Variants in CACNA1F observed in about 807,000 individuals in gnomAD.
CACNA1F encodes the protein calcium voltage-gated channel subunit alpha1 F, also known as voltage-dependent L-type calcium channel subunit alpha-1F.
In CACNA1F, 59 loss-of-function variants were observed where a neutral mutation model predicts 143.8. That is an observed-to-expected ratio of 0.41 (90% CI 0.33 to 0.51). CACNA1F has a LOEUF of 0.51. CACNA1F is among the 20% of genes least tolerant of loss of function. The pLI, the probability that CACNA1F is intolerant of heterozygous loss-of-function variation, is 0.22. For synonymous variants in CACNA1F, 643 were observed against 649.1 expected, an observed-to-expected ratio of 0.99 and a Z score of 0.14; for missense variants, 1,411 against 1,647.5, an observed-to-expected ratio of 0.86 and a Z score of 2.48.
chrX:49,231,107 T>G, intron 3 of CACNA1F, 95 bp downstream of exon 3: 4 of 792,608 alleles, frequency 5.0e-6, no homozygotes, highest in Non-Finnish European at 7.5e-6. Context: ...GGCAGGGCCA[T>G]CCGGGTCAGA....
chrX:49,221,777 C>G (rs918307312), intron 17 of CACNA1F, among the ~76,000 whole-genome samples: 6 of 106,697 alleles, frequency 5.6e-5, no homozygotes, highest in African/African-American at 2.0e-4. Context: ...GTTAGGAGTT[C>G]AAGACCAGCC....
rs782623957 is a variant in CACNA1F at position 49,208,715 on chromosome X, T to C, written c.4954-31A>G. The C allele has an allele frequency of 2.6e-5, 31 of 1,188,282 alleles. No homozygotes were observed. The South Asian group carries it at 5.0e-4, about 19-fold the overall frequency. On this transcript the variant is annotated intron_variant, in intron 42 of 47. Coordinates refer to ENST00000323022, the MANE Select transcript of CACNA1F (RefSeq NM_001256789.3). ...GAGAGTCACAGGACTGAGTGTTGCA[T>C]GCACTTTGTGGCTAAGTCATTTGGT...
chrX:49,232,375 T>C lies in CACNA1F; in HGVS notation c.26-448A>G, dbSNP rs782404702. Among the ~76,000 whole-genome samples, 9 of 111,236 alleles carry C rather than the reference T, an allele frequency of 8.1e-5. No homozygotes were observed. In the South Asian group the frequency reaches 3.0e-3, roughly 37 times the overall value. Reference sequence around the variant, plus strand: ...TTTTGAGTGGGACTTGAATTTTGCATTGGGGTTTTCAGCTAAGGCCACTCC... The same window carrying C: ...TTTTGAGTGGGACTTGAATTTTGCACTGGGGTTTTCAGCTAAGGCCACTCC... On this transcript the variant is annotated intron_variant, in intron 1 of 47. Transcript: ENST00000323022.
chrX:49,214,005 T>G, intron 30 of CACNA1F, 103 bp from the exon 31 acceptor site: 1 of 656,402 alleles, frequency 1.5e-6, no homozygotes, highest in East Asian at 3.4e-5. Context: ...GGGCTTCGCT[T>G]GGATCACACG....
chrX:49,232,221 A>G (rs1248085655), intron 1 of CACNA1F, among the ~76,000 whole-genome samples: 1 of 110,702 alleles, frequency 9.0e-6, no homozygotes, highest in Non-Finnish European at 1.9e-5. Flanking sequence ...GTTAAATTTG[A>G]GTGGTGGGTT....
At chrX:49,206,478 C>T (rs1268952593) in intron 46 of CACNA1F, 33 bp downstream of exon 46, 4 of 1,035,787 alleles carry the variant, frequency 3.9e-6, no homozygotes, top group South Asian at 1.9e-5. Flanking sequence ...TCTCTCCAGA[C>T]CCCAGACCCC....
chrX:49,205,645 T>G lies in CACNA1F; in HGVS notation c.5641A>C (p.Arg1881=), dbSNP rs1324906301. 1 of 1,203,194 alleles carries G rather than the reference T, an allele frequency of 8.3e-7. No individual in the cohort carries two copies. The highest frequency in any genetic ancestry group is 1.8e-5 in the African/African-American group (1 of 56,949). ...TCCACCAAGCTGTCGGCACTGCCCCTCTTCCCATGGCTGGGGTCCGAGTGG... is the reference window on the plus strand; with the variant it reads ...TCCACCAAGCTGTCGGCACTGCCCCGCTTCCCATGGCTGGGGTCCGAGTGG... ...GTHSDPSHGK[R]GSADSLVEAV... The change falls in exon 47 of 48, where the codon AGG becomes CGG. Residue 1881 remains arginine, a synonymous_variant. Transcript: ENST00000323022.
intron 6 of CACNA1F, among the ~76,000 whole-genome samples, chrX:49,229,145 GTTTGTTTTTGT>G: frequency 9.0e-6 from 1 of 111,181 alleles, no homozygotes; most frequent in East Asian, 2.8e-4. Context: ...CTTTTTTTTG[GTTTGTTTTTGT>G]TTTGTTTTTG....
chrX:49,207,359 C>A (rs781963409), intron 43 of CACNA1F, among the ~76,000 whole-genome samples: 7 of 112,088 alleles, frequency 6.2e-5, no homozygotes, highest in African/African-American at 1.9e-4. Context: ...TAGAGAGACA[C>A]CTTGAACACA....
intron 42 of CACNA1F, chrX:49,208,995 T>G: frequency 2.5e-6 from 1 of 398,948 alleles, no homozygotes; most frequent in Non-Finnish European, 4.4e-6. Context: ...CTAGCTAATT[T>G]TTAAATTTTT....
chrX:49,210,956 A>G lies in CACNA1F; in HGVS notation c.4388+9T>C. On this transcript the variant is annotated intron_variant, in intron 37 of 47. Transcript: ENST00000323022. The stretch of plus-strand genomic sequence containing the variant: ...CCCTGGATTCTAGGTAAGGGTATAG[A>G]GGGCATACTTGGCCCCAGGGTCATA... 8.3e-7 allele frequency: 1 copy of G among 1,204,157 alleles called. No homozygotes were observed. Among genetic ancestry groups the G allele is most frequent in the Non-Finnish European group, 1.1e-6 (1 of 891,098 alleles).
rs2065655753 is a variant in CACNA1F, at chrX:49,211,319, CA to C, written c.4260+2del. On this transcript the variant is annotated splice_donor_variant, in intron 36 of 47. Coordinates refer to ENST00000323022, the MANE Select transcript of CACNA1F (RefSeq NM_001256789.3). LOFTEE classifies it high-confidence loss of function. ...GTGGTGGTTGTGAGGAAATGGTTCT[CA>C]CCAGGAAGGCACAGAGCATGAAGAA... 8.3e-7 allele frequency: 1 copy of C among 1,211,236 alleles called. No homozygotes were observed. Among genetic ancestry groups the C allele is most frequent in the Admixed American group, 2.2e-5 (1 of 46,058 alleles).
intron 8 of CACNA1F, among the ~76,000 whole-genome samples, chrX:49,227,613 A>AC (rs2065838525): frequency 8.9e-6 from 1 of 112,515 alleles, no homozygotes; most frequent in South Asian, 3.6e-4. Flanking sequence ...GGCATGAGCC[A>AC]CTGCACCTGG....
Position 49,231,286 on chromosome X carries a change from C to T in CACNA1F, c.297G>A (p.Leu99=). The T allele has an allele frequency of 8.6e-7, 1 of 1,163,781 alleles. No individual in the cohort carries two copies. Among genetic ancestry groups the T allele is most frequent in the East Asian group, 3.2e-5 (1 of 30,849 alleles). The change falls in exon 3 of 48, where the codon CTG becomes CTA. Residue 99 remains leucine (L), a synonymous_variant. Transcript: ENST00000323022. ...CCACGCAGTTGGCAAAGATGGTCAG[C>T]AGGATGAGGATGTCGAAGGGCCTCA... ...VEWKPFDILI[L]LTIFANCVAL... is the part of the protein sequence containing the mutation.
chrX:49,211,357 A>C lies in CACNA1F; in HGVS notation c.4225T>G (p.Tyr1409Asp). 1 of 1,211,128 alleles carries C rather than the reference A, an allele frequency of 8.3e-7. No homozygotes were observed. Among genetic ancestry groups the C allele is most frequent in the Non-Finnish European group, 1.1e-6 (1 of 894,951 alleles). The change falls in exon 36 of 48, where the codon TAT (tyrosine) becomes GAT (aspartate). Residue 1409 changes from tyrosine (Y) to aspartate (D), a missense_variant. Tyr to Asp is a radical substitution (Grantham distance 160). Around this residue, in one of 3 missense-constraint regions of CACNA1F, gnomAD observed 112 missense variants for 169.2 expected, o/e 0.66. Transcript: ENST00000323022. ...FTCGSNFAIA[Y>D]FISFFMLCAF... ...CAGAGCATGAAGAAGCTGATGAAAT[A>C]GGCGATGGCAAAATTGCTACCACAG...
chrX:49,228,922 G>A (rs1377642284), intron 6 of CACNA1F, among the ~76,000 whole-genome samples: 1 of 111,949 alleles, frequency 8.9e-6, no homozygotes, highest in Non-Finnish European at 1.9e-5. Flanking sequence ...AGAACCCTGC[G>A]AGCTCCGTAT....
chrX:49,213,456 AAATGAAGCC>A (rs1476708950), intron 31 of CACNA1F, among the ~76,000 whole-genome samples: 1 of 112,017 alleles, frequency 8.9e-6, no homozygotes, highest in Non-Finnish European at 1.9e-5. Flanking sequence ...GTTGGTGGAG[AAATGAAGCC>A]AATGAAGTCA....
chrX:49,226,738 C>A (rs113371601), intron 9 of CACNA1F, 36 bp from the exon 10 acceptor site: 1 of 1,117,230 alleles, frequency 9.0e-7, no homozygotes, highest in Admixed American at 2.6e-5. Flanking sequence ...GGAGGACATA[C>A]TGGGGGCAGG....
chrX:49,213,967 T>G, intron 30 of CACNA1F, 65 bp from the exon 31 acceptor site: 3 of 766,188 alleles, frequency 3.9e-6, no homozygotes, highest in Non-Finnish European at 5.9e-6. Context: ...AGGGGGCCAG[T>G]AGTAGTAGGG....
Sources: allele counts gnomAD v4.1 joint callset (sites outside exome capture counted in the v4.1 genomes callset), GRCh38; gene constraint gnomAD v4.1.1; regional missense constraint gnomAD v4.1.1; transcripts MANE v1.5; gene names NCBI Gene and HGNC (gene_info 2026-07-23, HGNC 2026-07-21).